MTPN: variants seen among roughly 807,000 people sequenced by gnomAD.
MTPN encodes granule cell differentiation protein.
Under a neutral mutation model 13.5 loss-of-function variants are expected in MTPN, and 2 were observed. The ratio of observed to expected loss-of-function variants is 0.15; its 90% confidence interval spans 0.06 to 0.47. The LOEUF (loss-of-function observed/expected upper bound fraction) is 0.47, where lower values mean the gene tolerates loss of function less well. Among genes scored for constraint, MTPN ranks in the 20% least tolerant of loss-of-function variants. The pLI, the probability that MTPN is intolerant of heterozygous loss-of-function variation, is 0.97. For synonymous variants in MTPN, 46 were observed against 51.7 expected, an observed-to-expected ratio of 0.89 and a Z score of 0.48; for missense variants, 79 against 137.9, an observed-to-expected ratio of 0.57 and a Z score of 2.14.
chr7:135,973,801 A>C (rs544150219), intron 1 of MTPN, among the ~76,000 whole-genome samples: 27 of 152,236 alleles, frequency 1.8e-4, no homozygotes, highest in Admixed American at 7.2e-4. Context: ...CAGGTCTGCT[A>C]AATATAGATG....
chr7:135,950,046 G>C (rs1799340357), intron 3 of MTPN, among the ~76,000 whole-genome samples: 1 of 152,086 alleles, frequency 6.6e-6, no homozygotes, highest in African/African-American at 2.4e-5. Context: ...TAATTTCTGA[G>C]TCTGGATTTT....
At chr7:135,936,386 G>A (rs1799114779) in intron 3 of MTPN, among the ~76,000 whole-genome samples, 1 of 152,216 alleles carries the variant, frequency 6.6e-6, no homozygotes, top group African/African-American at 2.4e-5. Flanking sequence ...TGGGGAGGCT[G>A]AGGCAGAAGA....
chr7:135,975,672 G>A (rs1176489119), intron 1 of MTPN, among the ~76,000 whole-genome samples: 1 of 152,160 alleles, frequency 6.6e-6, no homozygotes, highest in Non-Finnish European at 1.5e-5. Flanking sequence ...GTATTGCAGT[G>A]TCCCACCACT....
In MTPN at chr7:135,977,228, G is replaced by C; in HGVS notation, c.-128C>G. On this transcript the variant is annotated 5_prime_UTR_variant, in exon 1 of 4. Coordinates refer to ENST00000393085, the MANE Select transcript of MTPN (RefSeq NM_145808.4). Reference sequence around the variant, plus strand: ...CGGAGAGGAGAAGAAGAGAAGGAGGGTTAGGCTGCCAGGCGGGCGAGGCAG... The same window carrying C: ...CGGAGAGGAGAAGAAGAGAAGGAGGCTTAGGCTGCCAGGCGGGCGAGGCAG... The C allele has an allele frequency of 3.2e-6, 3 of 931,454 alleles. No individual in the cohort carries two copies. Among genetic ancestry groups the C allele is most frequent in the East Asian group, 2.4e-5 (1 of 41,084 alleles). 57.7% of individuals were successfully genotyped at this position (931,454 alleles called of 1,614,324 possible).
intron 3 of MTPN, among the ~76,000 whole-genome samples, chr7:135,936,545 A>T (rs34094132): frequency 0.016 from 2,463 of 152,330 alleles, 31 homozygotes; most frequent in African/African-American, 0.037. Flanking sequence ...TGATAAAATA[A>T]TTATAGTATT....
At chr7:135,930,398 T>TA (rs1365490545) in intron 3 of MTPN, among the ~76,000 whole-genome samples, 5 of 152,198 alleles carry the variant, frequency 3.3e-5, no homozygotes, top group African/African-American at 1.2e-4. Context: ...TGTGACAAAT[T>TA]ATTTTTTTCT....
intron 1 of MTPN, among the ~76,000 whole-genome samples, chr7:135,971,500 A>AT: frequency 6.6e-6 from 1 of 152,202 alleles, no homozygotes; most frequent in East Asian, 1.9e-4. Flanking sequence ...GGTCAAGGGT[A>AT]TGCTGAAGTA....
At chr7:135,956,990 G>A (rs927132268) in intron 1 of MTPN, among the ~76,000 whole-genome samples, 2 of 152,056 alleles carry the variant, frequency 1.3e-5, no homozygotes, top group Non-Finnish European at 2.9e-5. Flanking sequence ...CATTTTTGCC[G>A]AGGTCAAGGG....
rs1798944703 is a variant in MTPN, at chr7:135,927,707, G to A, written c.*2219C>T. The stretch of plus-strand genomic sequence containing the variant: ...AGTCTATTCTATTCTATGTTTATAT[G>A]TTATTTTCTCAAGCAATCGCTTCAT... On this transcript the variant is annotated 3_prime_UTR_variant, in exon 4 of 4. Transcript: ENST00000393085. 1 of 523,310 alleles carries A rather than the reference G, an allele frequency of 1.9e-6. No homozygotes were observed. The highest frequency in any genetic ancestry group is 2.3e-5 in the Admixed American group (1 of 43,388). The allele number at this position is 523,310 out of a possible 1,614,324, so 32.4% of individuals were successfully genotyped here.
intron 1 of MTPN, among the ~76,000 whole-genome samples, chr7:135,961,695 C>T (rs1382805182): frequency 1.3e-5 from 2 of 151,556 alleles, no homozygotes; most frequent in East Asian, 1.9e-4. Context: ...TGTTAAACAA[C>T]AACAAAAAGA....
At chr7:135,938,981 T>C (rs759636116) in intron 3 of MTPN, among the ~76,000 whole-genome samples, 4 of 152,216 alleles carry the variant, frequency 2.6e-5, no homozygotes, top group Admixed American at 6.5e-5. Context: ...AAAGGCTTTT[T>C]TTCCCCCCAC....
At chr7:135,972,328 GT>G (rs1799710514) in intron 1 of MTPN, among the ~76,000 whole-genome samples, 1 of 152,060 alleles carries the variant, frequency 6.6e-6, no homozygotes, top group African/African-American at 2.4e-5. Context: ...ACCTTGTCAA[GT>G]TACTTCAGTT....
chr7:135,927,205 A>G lies in MTPN; in HGVS notation c.*2721T>C. 8.9e-7 allele frequency: 1 copy of G among 1,120,306 alleles called. No homozygotes were observed. The highest frequency in any genetic ancestry group is 1.2e-6 in the Non-Finnish European group (1 of 817,436). 69.4% of individuals were successfully genotyped at this position (1,120,306 alleles called of 1,614,324 possible). ...CTTGGGAAAAGATATCAATGAATAA[A>G]AGGCCTACTTGTTTGCAGCTTCCAC... On this transcript the variant is annotated 3_prime_UTR_variant, in exon 4 of 4. Coordinates refer to ENST00000393085, the MANE Select transcript of MTPN (RefSeq NM_145808.4).
chr7:135,937,365 C>T (rs1487972912), intron 3 of MTPN, among the ~76,000 whole-genome samples: 3 of 144,524 alleles, frequency 2.1e-5, no homozygotes, highest in Non-Finnish European at 3.0e-5. Context: ...CAAGTGCTAA[C>T]TGGATACACA....
rs1798935130 is a variant in MTPN at position 135,927,296 on chromosome 7, G to A, written c.*2630C>T. 2 of 1,550,198 alleles carry A rather than the reference G, an allele frequency of 1.3e-6. No homozygotes were observed. The highest frequency in any genetic ancestry group is 2.7e-5 in the African/African-American group (2 of 73,132). The stretch of plus-strand genomic sequence containing the variant: ...GGTTTAGAAAGGTGAGCTATGCGTA[G>A]AAGAACTACTTGGGATATTCAAGTG... On this transcript the variant is annotated 3_prime_UTR_variant, in exon 4 of 4. Coordinates refer to ENST00000393085, the MANE Select transcript of MTPN (RefSeq NM_145808.4).
intron 1 of MTPN, among the ~76,000 whole-genome samples, chr7:135,971,399 C>G (rs1251879579): frequency 6.6e-6 from 1 of 152,180 alleles, no homozygotes; most frequent in Non-Finnish European, 1.5e-5. Context: ...TTAGTAGTCT[C>G]AATGGATAAT....
intron 1 of MTPN, among the ~76,000 whole-genome samples, chr7:135,953,500 G>T (rs1185094993): frequency 6.6e-6 from 1 of 152,112 alleles, no homozygotes; most frequent in Non-Finnish European, 1.5e-5. Flanking sequence ...AGTTGTGGGG[G>T]TTAAACTACA....
chr7:135,936,479 C>T (rs761369551), intron 3 of MTPN, among the ~76,000 whole-genome samples: 8 of 151,916 alleles, frequency 5.3e-5, no homozygotes, highest in South Asian at 2.1e-4. Context: ...AGTGAGACTC[C>T]GTCTCAAACA....
rs76673268 is a variant in MTPN at position 135,958,981 on chromosome 7, C to T, written c.73-7351G>A. Among the ~76,000 whole-genome samples the T allele has an allele frequency of 9.9e-5, 15 of 152,254 alleles. No homozygotes were observed. In the East Asian group the frequency reaches 2.7e-3, roughly 27 times the overall value. On this transcript the variant is annotated intron_variant, in intron 1 of 3. Transcript: ENST00000393085. ...ATCCCCTGATAAGTGTTATAAACCA[C>T]TCCATTGCCACCACATACATATTTA...
Sources: gnomAD v4.1 joint callset for allele counts (sites outside exome capture counted in the v4.1 genomes callset) on GRCh38, gnomAD v4.1.1 for gene constraint, MANE v1.5 for transcripts, NCBI Gene and HGNC (gene_info 2026-07-23, HGNC 2026-07-21) for gene names.